The following NLGN1 variants were observed in gnomAD, a reference collection of about 807,000 sequenced individuals.
NLGN1 encodes neuroligin 1, also known as neuroligin-1.
Under a neutral mutation model 65.5 loss-of-function variants are expected in NLGN1, and 12 were observed. The ratio of observed to expected loss-of-function variants is 0.18; its 90% CI spans 0.12 to 0.30. NLGN1 has a LOEUF of 0.30. Ranked by LOEUF, NLGN1 falls within the 10% of genes least tolerant of loss-of-function variation. The pLI is 1.00. For missense variants in NLGN1, 750 were observed against 1,007.1 expected (o/e 0.74, Z 3.46); for synonymous variants, 350 against 359.5 (o/e 0.97, Z 0.30).
chr3:173,452,901 G>A (rs928536028), intron 2 of NLGN1, among the ~76,000 whole-genome samples: 7 of 152,184 alleles, frequency 4.6e-5, no homozygotes, highest in African/African-American at 9.6e-5. Context: ...GTATTTTAAT[G>A]TGTATAACAT....
At chr3:173,570,377 G>T (rs984067799) in intron 2 of NLGN1, among the ~76,000 whole-genome samples, 30 of 152,196 alleles carry the variant, frequency 2.0e-4, no homozygotes, top group African/African-American at 7.0e-4. Context: ...AGATTGCTGG[G>T]CAGGAAGGGA....
intron 3 of NLGN1, among the ~76,000 whole-genome samples, chr3:173,706,847 A>G (rs1768125873): frequency 6.6e-6 from 1 of 152,222 alleles, no homozygotes; most frequent in Non-Finnish European, 1.5e-5. Context: ...GCACACACAC[A>G]CATCTTTTCC....
intron 4 of NLGN1, among the ~76,000 whole-genome samples, chr3:174,096,190 T>A (rs977920225): frequency 1.3e-5 from 2 of 149,966 alleles, no homozygotes; most frequent in Admixed American, 6.7e-5. Flanking sequence ...ATAGAATATA[T>A]AATACATATG....
In NLGN1 at chr3:174,105,493, A is replaced by G. The variant is rs186875550; in HGVS notation, c.647-169822A>G. Among the ~76,000 whole-genome samples the G allele has an allele frequency of 1.2e-3, 186 of 152,206 alleles. 1 individual carries two copies. Among genetic ancestry groups the G allele is most frequent in the Non-Finnish European group, 2.2e-3 (152 of 67,992 alleles). ...AGGGATGTCAAGACTGCAGTGAGTCATGATAAGGCCACTGCACTCCATCCT... is the reference window on the plus strand; with the variant it reads ...AGGGATGTCAAGACTGCAGTGAGTCGTGATAAGGCCACTGCACTCCATCCT... On this transcript the variant is annotated intron_variant, in intron 4 of 6. Coordinates refer to ENST00000457714, the Ensembl canonical transcript of NLGN1.
intron 4 of NLGN1, among the ~76,000 whole-genome samples, chr3:173,939,793 G>A (rs1466643444): frequency 6.6e-6 from 1 of 151,752 alleles, no homozygotes; most frequent in Admixed American, 6.6e-5. Context: ...AATATTACTG[G>A]GTTTTGTTTT....
intron 3 of NLGN1, among the ~76,000 whole-genome samples, chr3:173,742,737 T>C (rs1222834792): frequency 6.6e-6 from 1 of 152,150 alleles, no homozygotes; most frequent in Non-Finnish European, 1.5e-5. Context: ...CGATTTGTGC[T>C]AGACATTTTT....
chr3:173,944,627 C>G (rs116987646), intron 4 of NLGN1, among the ~76,000 whole-genome samples: 1 of 152,166 alleles, frequency 6.6e-6, no homozygotes, highest in Non-Finnish European at 1.5e-5. Context: ...AATCAAGTCT[C>G]TTAATAACTT....
intron 4 of NLGN1, among the ~76,000 whole-genome samples, chr3:174,116,915 G>A (rs924707716): frequency 2.0e-5 from 3 of 151,900 alleles, no homozygotes; most frequent in African/African-American, 4.8e-5. Context: ...TTTCTATTCC[G>A]TGAATGGAAA....
chr3:173,553,129 T>C (rs1184592353), intron 2 of NLGN1, among the ~76,000 whole-genome samples: 1 of 152,180 alleles, frequency 6.6e-6, no homozygotes, highest in African/African-American at 2.4e-5. Context: ...GCCTCCAAAT[T>C]GTAAATACTT....
chr3:174,043,027 G>A (rs979239138), intron 4 of NLGN1, among the ~76,000 whole-genome samples: 9 of 152,184 alleles, frequency 5.9e-5, no homozygotes, highest in Non-Finnish European at 1.2e-4. Flanking sequence ...CCTCGTCACA[G>A]GATGGCAGGA....
At chr3:173,840,026 C>T (rs1451419008) in intron 4 of NLGN1, among the ~76,000 whole-genome samples, 1 of 152,172 alleles carries the variant, frequency 6.6e-6, no homozygotes, top group Non-Finnish European at 1.5e-5. Flanking sequence ...TCCAGCTTAA[C>T]CACTGTGCTA....
chr3:174,291,352 T>G (rs1474073227), downstream of NLGN1, among the ~76,000 whole-genome samples: 1 of 151,094 alleles, frequency 6.6e-6, no homozygotes, highest in East Asian at 1.9e-4. Context: ...TCTTTTACAA[T>G]ACAACAGAAA....
At chr3:173,845,600 GT>G (rs1725591104) in intron 4 of NLGN1, among the ~76,000 whole-genome samples, 1 of 133,340 alleles carries the variant, frequency 7.5e-6, no homozygotes, top group Non-Finnish European at 1.6e-5. Context: ...AGATAGGTAG[GT>G]GGATGGATAG....
intron 4 of NLGN1, among the ~76,000 whole-genome samples, chr3:174,039,303 C>T (rs566557208): frequency 1.1e-4 from 16 of 151,994 alleles, no homozygotes; most frequent in East Asian, 9.7e-4. Context: ...ATGTCCAGAA[C>T]GTGCAGGCTT....
intron 4 of NLGN1, among the ~76,000 whole-genome samples, chr3:174,205,505 T>A (rs1399036338): frequency 6.6e-6 from 1 of 151,994 alleles, no homozygotes; most frequent in East Asian, 1.9e-4. Context: ...ATGGTAGTAA[T>A]TTTTAAGGTT....
intron 3 of NLGN1, among the ~76,000 whole-genome samples, chr3:173,806,676 G>A (rs1414425824): frequency 6.6e-6 from 1 of 151,960 alleles, no homozygotes; most frequent in Non-Finnish European, 1.5e-5. Flanking sequence ...GATATACACA[G>A]TTAGGCTTAT....
intron 3 of NLGN1, among the ~76,000 whole-genome samples, chr3:173,788,206 C>CAAAAAAAAAAAA (rs537790655): frequency 3.3e-5 from 2 of 60,838 alleles, no homozygotes; most frequent in African/African-American, 5.4e-5. Flanking sequence ...TGACATTTTG[C>CAAAAAAAAAAAA]AAAAAAAAAA....
intron 2 of NLGN1, among the ~76,000 whole-genome samples, chr3:173,472,604 A>G (rs1725490237): frequency 1.3e-5 from 2 of 151,824 alleles, no homozygotes; most frequent in Admixed American, 6.6e-5. Context: ...AATATCACCA[A>G]CCCCCTTGGA....
chr3:173,723,676 A>G (rs1198535880), intron 3 of NLGN1, among the ~76,000 whole-genome samples: 1 of 152,196 alleles, frequency 6.6e-6, no homozygotes, highest in Non-Finnish European at 1.5e-5. Flanking sequence ...ATAAGTGTGT[A>G]TTATAGTCAT....
Sources: gnomAD v4.1 joint callset for allele counts (sites outside exome capture counted in the v4.1 genomes callset) on GRCh38, gnomAD v4.1.1 for gene constraint, MANE v1.5 for transcripts, NCBI Gene and HGNC (gene_info 2026-07-23, HGNC 2026-07-21) for gene names.